Variants in CPM observed in about 807,000 individuals in gnomAD.
CPM encodes the protein carboxypeptidase M, also known as renal carboxypeptidase.
In CPM, 35 loss-of-function variants were observed where a neutral mutation model predicts 46.4. That is an observed-to-expected ratio of 0.75 (90% CI 0.58 to 1.00). The LOEUF (loss-of-function observed/expected upper bound fraction) is 1.00. CPM is among the 50% of genes least tolerant of loss of function. CPM has a pLI of 0.00. For missense variants in CPM, 422 were observed against 530.4 expected (o/e 0.80, Z 2.01); for synonymous variants, 195 against 195.3 (o/e 1.00, Z 0.01).
intron 1 of CPM, among the ~76,000 whole-genome samples, chr12:68,961,738 C>A (rs1023670764): frequency 5.2e-5 from 7 of 135,272 alleles, no homozygotes; most frequent in Non-Finnish European, 1.1e-4. Context: ...ACAGGGTGAA[C>A]CCCCATCTCT....
chr12:68,948,592 T>C (rs1888885007), intron 1 of CPM, among the ~76,000 whole-genome samples: 1 of 151,890 alleles, frequency 6.6e-6, no homozygotes, highest in Non-Finnish European at 1.5e-5. Context: ...CAGAATTGGG[T>C]TTTAAAATCC....
chr12:68,937,598 A>C (rs1349233452), upstream of CPM, among the ~76,000 whole-genome samples: 1 of 151,674 alleles, frequency 6.6e-6, no homozygotes, highest in East Asian at 1.9e-4. Context: ...GCATTTATTC[A>C]CTTGGAAAGA....
rs1404550203 is a variant in CPM, at chr12:68,926,742, G to A, written c.160+5936C>T. 5.9e-5 allele frequency among the ~76,000 whole-genome samples: 9 copies of A among 152,062 alleles called. No homozygotes were observed. The South Asian group carries it at 1.9e-3, about 32-fold the overall frequency. ...CCAACCCCACAACAGTCCCCAGAGT[G>A]TGATGTTCCCCTTCCTGTGTCCAAT... On this transcript the variant is annotated intron_variant, in intron 2 of 8. Transcript: ENST00000551568.
chr12:68,932,930 G>A, intron 1 of CPM, 90 bp from the exon 2 acceptor site: 2 of 1,216,410 alleles, frequency 1.6e-6, no homozygotes, highest in South Asian at 1.4e-5. Flanking sequence ...CGGTCTCAGG[G>A]TCTCCCGACA....
intron 1 of CPM, 96 bp from the exon 2 acceptor site, chr12:68,932,936 C>CGGGA: frequency 5.5e-6 from 6 of 1,092,022 alleles, no homozygotes; most frequent in Non-Finnish European, 6.7e-6. Context: ...CAGGGTCTCC[C>CGGGA]GACACTGACG....
upstream of CPM, among the ~76,000 whole-genome samples, chr12:68,936,616 T>C (rs1012913046): frequency 1.3e-5 from 2 of 152,204 alleles, no homozygotes; most frequent in African/African-American, 4.8e-5. Flanking sequence ...ACTCCTGGCC[T>C]CAAATTATCT....
chr12:68,869,809 C>T (rs999489567), intron 5 of CPM, among the ~76,000 whole-genome samples: 8 of 152,028 alleles, frequency 5.3e-5, no homozygotes, highest in Non-Finnish European at 8.8e-5. Context: ...AATAAAGCTA[C>T]TGTAATATTT....
At chr12:68,938,007 C>CTCTG (rs1213791566), upstream of CPM, among the ~76,000 whole-genome samples, 3 of 152,186 alleles carry the variant, frequency 2.0e-5, no homozygotes, top group East Asian at 3.9e-4. Flanking sequence ...ATGAAAAAGC[C>CTCTG]AGAGTGTTGG....
chr12:68,944,480 T>A (rs746619224), intron 1 of CPM, among the ~76,000 whole-genome samples: 4 of 152,234 alleles, frequency 2.6e-5, no homozygotes, highest in Non-Finnish European at 5.9e-5. Flanking sequence ...CATAGCTCAC[T>A]GAAGCCTTGA....
In CPM at chr12:68,870,262, T is replaced by C. The variant is rs764426969; in HGVS notation, c.569A>G (p.His190Arg). Reference sequence around the variant, plus strand: ...GTAACTGGCCACGAGGGCACCACCATGGAGGTTTGCAGAGAGGACAAACGT... The same window carrying C: ...GTAACTGGCCACGAGGGCACCACCACGGAGGTTTGCAGAGAGGACAAACGT... The part of the protein sequence containing the change: ...TETFVLSANL[H>R]GGALVASYPF... Residue 190 changes from histidine (H) to arginine (R), a missense_variant, in exon 5 of 9, where the codon CAT (histidine) becomes CGT (arginine). His to Arg is a conservative substitution (Grantham distance 29, BLOSUM62 0). Coordinates refer to ENST00000551568, the MANE Select transcript of CPM (RefSeq NM_198320.5). 2 of 1,614,176 alleles carry C rather than the reference T, an allele frequency of 1.2e-6. No homozygotes were observed. Among genetic ancestry groups the C allele is most frequent in the Admixed American group, 1.7e-5 (1 of 60,010 alleles).
chr12:68,891,759 C>T (rs1440470782), intron 2 of CPM, among the ~76,000 whole-genome samples: 4 of 151,948 alleles, frequency 2.6e-5, no homozygotes, highest in Non-Finnish European at 2.9e-5. Context: ...GGCAGAGTCT[C>T]GCTTTGTTGT....
At chr12:68,863,915 CACAA>C (rs1885318502) in intron 7 of CPM, among the ~76,000 whole-genome samples, 1 of 152,184 alleles carries the variant, frequency 6.6e-6, no homozygotes, top group Non-Finnish European at 1.5e-5. Context: ...TGCCATTCTT[CACAA>C]ACAAAATATT....
intron 3 of CPM, among the ~76,000 whole-genome samples, chr12:68,873,491 T>C (rs1272205169): frequency 6.6e-6 from 1 of 151,830 alleles, no homozygotes; most frequent in Non-Finnish European, 1.5e-5. Context: ...TATAGCGAGA[T>C]CCCATCACTA....
At chr12:68,961,194 G>T (rs922521658) in intron 1 of CPM, among the ~76,000 whole-genome samples, 1 of 152,152 alleles carries the variant, frequency 6.6e-6, no homozygotes, top group Non-Finnish European at 1.5e-5. Context: ...CTGTCACCCA[G>T]GCTGGAGTGC....
intron 1 of CPM, 74 bp downstream of exon 1, chr12:68,933,065 TCTC>T (rs917518846): frequency 2.8e-4 from 126 of 450,834 alleles, no homozygotes; most frequent in Middle Eastern, 5.9e-4. Context: ...CGCGCCTCCC[TCTC>T]CTCCTCCTCC....
chr12:68,919,668 T>C (rs1887955610), intron 2 of CPM, among the ~76,000 whole-genome samples: 1 of 152,220 alleles, frequency 6.6e-6, no homozygotes, highest in Non-Finnish European at 1.5e-5. Flanking sequence ...AAAAAGTTCG[T>C]CAAGGCTAGA....
chr12:68,878,701 C>A (rs1256417846), intron 3 of CPM, among the ~76,000 whole-genome samples: 1 of 152,218 alleles, frequency 6.6e-6, no homozygotes, highest in African/African-American at 2.4e-5. Flanking sequence ...GTTGGCTTTG[C>A]ATGAATTAAA....
At chr12:68,941,370 TTTTG>T (rs937512195) in intron 1 of CPM, among the ~76,000 whole-genome samples, 8 of 152,042 alleles carry the variant, frequency 5.3e-5, no homozygotes, top group African/African-American at 1.7e-4. Flanking sequence ...TTATTTTGTT[TTTTG>T]TTTGTTTGTT....
At chr12:68,911,414 CCAGGT>C (rs1887590278) in intron 2 of CPM, among the ~76,000 whole-genome samples, 1 of 152,184 alleles carries the variant, frequency 6.6e-6, no homozygotes, top group Admixed American at 6.5e-5. Context: ...CCTGAATCTA[CCAGGT>C]ACTTGCTTTG....
Sources: gnomAD v4.1 joint callset for allele counts (sites outside exome capture counted in the v4.1 genomes callset) on GRCh38, gnomAD v4.1.1 for gene constraint, MANE v1.5 for transcripts, NCBI Gene and HGNC (gene_info 2026-07-23, HGNC 2026-07-21) for gene names.